Variants in SCMH1 observed in about 807,000 individuals in gnomAD.
The protein encoded by SCMH1 is polycomb protein SCMH1.
A neutral mutation model predicts 70.8 loss-of-function variants in SCMH1; 37 were observed. The ratio of observed to expected loss-of-function variants is 0.52; its 90% CI spans 0.40 to 0.69. SCMH1 has a LOEUF of 0.69. SCMH1 is among the 30% of genes least tolerant of loss of function. SCMH1 has a pLI of 0.00. For missense variants in SCMH1, 607 were observed against 827.3 expected (o/e 0.73, Z 3.27); for synonymous variants, 292 against 307.4 (o/e 0.95, Z 0.52).
At chr1:41,238,027 T>G (rs985333641) in intron 1 of SCMH1, among the ~76,000 whole-genome samples, 1 of 152,232 alleles carries the variant, frequency 6.6e-6, no homozygotes, top group Admixed American at 6.5e-5. Flanking sequence ...ATTTGTGATA[T>G]CCTATGAAGT....
chr1:41,071,622 G>C (rs1656538302), intron 9 of SCMH1, among the ~76,000 whole-genome samples: 1 of 152,022 alleles, frequency 6.6e-6, no homozygotes. Flanking sequence ...GGCAGTTTTT[G>C]GGGGAGAAAG....
intron 2 of SCMH1, among the ~76,000 whole-genome samples, chr1:41,162,563 T>G (rs1013732664): frequency 6.6e-6 from 1 of 152,104 alleles, no homozygotes; most frequent in African/African-American, 2.4e-5. Flanking sequence ...AAGATATGAC[T>G]GAACAATCTG....
chr1:41,227,698 T>G (rs1277424647), intron 1 of SCMH1, among the ~76,000 whole-genome samples: 1 of 152,102 alleles, frequency 6.6e-6, no homozygotes, highest in Non-Finnish European at 1.5e-5. Context: ...AAAGGCAGAT[T>G]TGGCTGGGCG....
chr1:41,125,499 G>A (rs1476383217), intron 6 of SCMH1, among the ~76,000 whole-genome samples: 1 of 151,048 alleles, frequency 6.6e-6, no homozygotes, highest in Non-Finnish European at 1.5e-5. Flanking sequence ...TTACAGGTGT[G>A]AGCCACTTTG....
At chr1:41,217,013 C>CT (rs1159611531) in intron 1 of SCMH1, among the ~76,000 whole-genome samples, 1 of 152,120 alleles carries the variant, frequency 6.6e-6, no homozygotes, top group Non-Finnish European at 1.5e-5. Context: ...GTGCACTACT[C>CT]TAACAAATAC....
rs141951539 is a variant in SCMH1, at chr1:41,046,443, T to C, written c.1462A>G (p.Ile488Val). ...CTGTCGTGGCTGTGGCTGTACTCTA[T>C]GGCAGTGAGTGACAAGTGAGTCTGT... Residue 488 changes from isoleucine to valine, a missense_variant, in exon 12 of 15, where the codon ATA (isoleucine) becomes GTA (valine). Ile to Val is a conservative substitution (Grantham distance 29, BLOSUM62 3). Coordinates refer to ENST00000337495, the Ensembl canonical transcript of SCMH1. 3.8e-4 allele frequency: 613 copies of C among 1,614,174 alleles called. 1 individual carries two copies. The highest frequency in any genetic ancestry group is 4.8e-4 in the Non-Finnish European group (562 of 1,180,024).
At chr1:41,081,986 T>C (rs1273500488) in intron 8 of SCMH1, among the ~76,000 whole-genome samples, 1 of 152,096 alleles carries the variant, frequency 6.6e-6, no homozygotes, top group Non-Finnish European at 1.5e-5. Context: ...AAAACTGTGG[T>C]GAGTCAAATA....
intron 10 of SCMH1, among the ~76,000 whole-genome samples, chr1:41,050,791 C>T (rs1042714412): frequency 6.6e-6 from 1 of 152,092 alleles, no homozygotes; most frequent in African/African-American, 2.4e-5. Context: ...ATGAGAACCA[C>T]GCTCTCATAA....
intron 10 of SCMH1, among the ~76,000 whole-genome samples, chr1:41,064,397 A>T (rs1653854383): frequency 6.6e-6 from 1 of 152,222 alleles, no homozygotes; most frequent in South Asian, 2.1e-4. Context: ...TAGCTAATGC[A>T]GTAAGACAAA....
At chr1:41,084,296 C>T (rs1379533507) in intron 8 of SCMH1, among the ~76,000 whole-genome samples, 1 of 152,036 alleles carries the variant, frequency 6.6e-6, no homozygotes, top group Non-Finnish European at 1.5e-5. Flanking sequence ...GACAAACAAC[C>T]CCATCAAAAA....
chr1:41,137,754 C>T (rs530056716), intron 6 of SCMH1, among the ~76,000 whole-genome samples: 30 of 152,310 alleles, frequency 2.0e-4, no homozygotes, highest in African/African-American at 6.0e-4. Context: ...CAGCCCTATA[C>T]CTCAGCCCTC....
intron 8 of SCMH1, among the ~76,000 whole-genome samples, chr1:41,110,680 T>C (rs1269285992): frequency 6.6e-6 from 1 of 152,238 alleles, no homozygotes; most frequent in African/African-American, 2.4e-5. Context: ...ATTTTATTTA[T>C]CCATTTATCA....
rs890680505 is a variant in SCMH1 at position 41,095,570 on chromosome 1, T to C, written c.745+17713A>G. Among the ~76,000 whole-genome samples, 3 of 152,322 alleles carry C rather than the reference T, an allele frequency of 2.0e-5. No individual in the cohort carries two copies. In the South Asian group the frequency reaches 6.2e-4, roughly 32 times the overall value. On this transcript the variant is annotated intron_variant, in intron 8 of 14. Coordinates refer to ENST00000337495, the Ensembl canonical transcript of SCMH1. ...AGTGCTGACCTCCTACCTCCTGGGG[T>C]CTATGTTTTCTATATAAAAATATGC...
At chr1:41,110,479 C>T (rs567593849) in intron 8 of SCMH1, among the ~76,000 whole-genome samples, 12 of 152,164 alleles carry the variant, frequency 7.9e-5, no homozygotes, top group Non-Finnish European at 1.5e-4. Context: ...CTGGCAACCA[C>T]GAATCTACTT....
At chr1:41,199,856 G>C (rs1241623849) in intron 1 of SCMH1, among the ~76,000 whole-genome samples, 1 of 152,026 alleles carries the variant, frequency 6.6e-6, no homozygotes, top group Non-Finnish European at 1.5e-5. Flanking sequence ...ACCTGCACGT[G>C]TACCCCCTGA....
chr1:41,202,327 C>T (rs1351119942), intron 1 of SCMH1, among the ~76,000 whole-genome samples: 5 of 152,036 alleles, frequency 3.3e-5, no homozygotes, highest in African/African-American at 1.2e-4. Flanking sequence ...AGCCAACGTG[C>T]CCAGCCTTTT....
intron 13 of SCMH1, among the ~76,000 whole-genome samples, chr1:41,029,072 G>A (rs1644145561): frequency 6.6e-6 from 1 of 152,034 alleles, no homozygotes; most frequent in South Asian, 2.1e-4. Context: ...TGGCTCTGGG[G>A]GACCATTTCT....
intron 8 of SCMH1, chr1:41,098,983 C>G (rs1665863083): frequency 3.8e-6 from 1 of 261,648 alleles, no homozygotes; most frequent in African/African-American, 2.3e-5. Context: ...TCAAAATCAA[C>G]AAGTACCAGA....
chr1:41,040,511 T>C (rs917271713), intron 12 of SCMH1, among the ~76,000 whole-genome samples: 3 of 152,246 alleles, frequency 2.0e-5, no homozygotes, highest in Middle Eastern at 6.8e-3. Context: ...TTTGCTCTTT[T>C]GGAATACAGA....
Sources: allele counts gnomAD v4.1 joint callset (sites outside exome capture counted in the v4.1 genomes callset), GRCh38; gene constraint gnomAD v4.1.1; transcripts MANE v1.5; gene names NCBI Gene and HGNC (gene_info 2026-07-23, HGNC 2026-07-21).